Variants in DTWD2 observed in about 807,000 individuals in gnomAD.
The protein encoded by DTWD2 is DTW motif tRNA-uridine aminocarboxypropyltransferase 2, also known as tRNA-uridine aminocarboxypropyltransferase 2.
Under a neutral mutation model 31.8 loss-of-function variants are expected in DTWD2, and 39 were observed. The ratio of observed to expected loss-of-function variants is 1.22; its 90% CI spans 0.95 to 1.60. The LOEUF (loss-of-function observed/expected upper bound fraction) is 1.60, where lower values mean the gene tolerates loss of function less well. Among genes scored for constraint, DTWD2 ranks in the 40% most tolerant of loss-of-function variants. The probability of loss-of-function intolerance (pLI) is 0.00; values close to 1 mark genes in which losing one functional copy is unlikely to be tolerated. For missense variants in DTWD2, 515 were observed against 381.5 expected, an observed-to-expected ratio of 1.35 and a Z score of -2.92; for synonymous variants, 180 against 142.8, an observed-to-expected ratio of 1.26 and a Z score of -1.86.
chr5:118,877,524 G>A (rs1752648648), intron 4 of DTWD2, among the ~76,000 whole-genome samples: 1 of 151,800 alleles, frequency 6.6e-6, no homozygotes, highest in African/African-American at 2.4e-5. Context: ...ACCAGTCATT[G>A]AAGAAACATA....
At chr5:118,929,368 C>A (rs192489629) in intron 3 of DTWD2, among the ~76,000 whole-genome samples, 1 of 152,306 alleles carries the variant, frequency 6.6e-6, no homozygotes, top group East Asian at 1.9e-4. Context: ...ATCCCAGTGG[C>A]CATACTTCAA....
At chr5:118,876,968 A>C (rs1752635084) in intron 4 of DTWD2, among the ~76,000 whole-genome samples, 1 of 152,254 alleles carries the variant, frequency 6.6e-6, no homozygotes, top group African/African-American at 2.4e-5. Flanking sequence ...CATCAATGCA[A>C]AAATGCCTAA....
chr5:118,937,762 C>T lies in DTWD2; in HGVS notation c.404+1434G>A, dbSNP rs1444384330. Among the ~76,000 whole-genome samples, 3 of 151,838 alleles carry T rather than the reference C, an allele frequency of 2.0e-5. No individual in the cohort carries two copies. In the East Asian group the frequency reaches 5.8e-4, roughly 29 times the overall value. On this transcript the variant is annotated intron_variant, in intron 3 of 5. Transcript: ENST00000510708. Reference sequence around the variant, plus strand: ...CCCACAGGTCTCCCCTTCCCACCCACCCAGCGGTTGAATCCCCTGTTGTTT... The same window carrying T: ...CCCACAGGTCTCCCCTTCCCACCCATCCAGCGGTTGAATCCCCTGTTGTTT...
Position 118,878,941 on chromosome 5 carries a change from C to T in DTWD2, c.598-30723G>A, listed in dbSNP as rs142966518. Among the ~76,000 whole-genome samples, 645 of 152,182 alleles carry T rather than the reference C, an allele frequency of 4.2e-3. 8 individuals carry two copies. Among genetic ancestry groups the T allele is most frequent in the African/African-American group, 0.015 (603 of 41,492 alleles). The stretch of plus-strand genomic sequence containing the variant: ...TGCAAATCAAAAGCACAATGAGATG[C>T]CATCTCACACCAATCAAAATGGTTA... On this transcript the variant is annotated intron_variant, in intron 4 of 5. Transcript: ENST00000510708.
chr5:118,900,753 C>T lies in DTWD2; in HGVS notation c.597+27784G>A, dbSNP rs1026296366. Reference sequence around the variant, plus strand: ...CATCCTGGCTAACATGGTGAAACCCCGTCCTACTAAAAACACAAAAAATTA... The same window carrying T: ...CATCCTGGCTAACATGGTGAAACCCTGTCCTACTAAAAACACAAAAAATTA... On this transcript the variant is annotated intron_variant, in intron 4 of 5. Transcript: ENST00000510708. 1.4e-4 allele frequency among the ~76,000 whole-genome samples: 22 copies of T among 151,908 alleles called. No individual in the cohort carries two copies. In the East Asian group the frequency reaches 2.7e-3, roughly 19 times the overall value.
At chr5:118,861,951 A>C (rs559775873) in intron 4 of DTWD2, among the ~76,000 whole-genome samples, 3 of 152,260 alleles carry the variant, frequency 2.0e-5, no homozygotes, top group African/African-American at 7.2e-5. Flanking sequence ...AACAACAGTA[A>C]AGGGGCTAAG....
chr5:118,930,366 T>G (rs1023341275), intron 3 of DTWD2, among the ~76,000 whole-genome samples: 3 of 152,162 alleles, frequency 2.0e-5, no homozygotes, highest in Non-Finnish European at 4.4e-5. Context: ...GGAGACAAAT[T>G]ATCATTTTTC....
At chr5:118,873,983 C>A (rs1171469315) in intron 4 of DTWD2, among the ~76,000 whole-genome samples, 1 of 152,168 alleles carries the variant, frequency 6.6e-6, no homozygotes, top group East Asian at 1.9e-4. Flanking sequence ...GCAGCTTGGA[C>A]CCCCAAGTGC....
chr5:118,905,739 G>A (rs1012388385), intron 4 of DTWD2, among the ~76,000 whole-genome samples: 14 of 152,010 alleles, frequency 9.2e-5, no homozygotes, highest in Middle Eastern at 3.4e-3. Context: ...TATAAATATG[G>A]CTTTGCTAAC....
At chr5:118,896,303 A>G in intron 4 of DTWD2, among the ~76,000 whole-genome samples, 1 of 152,200 alleles carries the variant, frequency 6.6e-6, no homozygotes, top group Non-Finnish European at 1.5e-5. Context: ...TTTTCTACAA[A>G]GAGAATTCAT....
chr5:118,882,255 T>G (rs529598410), intron 4 of DTWD2, among the ~76,000 whole-genome samples: 2 of 152,232 alleles, frequency 1.3e-5, no homozygotes, highest in African/African-American at 4.8e-5. Context: ...AGGTCTCACA[T>G]GCAGGGCAAG....
intron 4 of DTWD2, among the ~76,000 whole-genome samples, chr5:118,888,464 T>C (rs1004848084): frequency 1.3e-5 from 2 of 152,254 alleles, no homozygotes; most frequent in Non-Finnish European, 2.9e-5. Context: ...TTAGTAGTTT[T>C]TCATTACATG....
chr5:118,840,924 T>G lies in DTWD2; in HGVS notation c.890A>C (p.Lys297Thr). 3.1e-6 allele frequency: 5 copies of G among 1,613,328 alleles called. No homozygotes were observed. The highest frequency in any genetic ancestry group is 4.2e-6 in the Non-Finnish European group (5 of 1,179,560). The change falls in exon 6 of 6, where the codon AAA becomes ACA. Residue 297 changes from lysine to threonine, a missense_variant. Coordinates refer to ENST00000510708, the MANE Select transcript of DTWD2 (RefSeq NM_173666.4). ...RKMELLMNSV[K>T]I ...ACCAAAAGAATAACTGTACTAAATT[T>G]TAACACTATTCATTAACAATTCCAT...
In DTWD2 at chr5:118,840,964, G is replaced by A. The variant is rs200315964; in HGVS notation, c.850C>T (p.Arg284Cys). 20 of 1,613,482 alleles carry A rather than the reference G, an allele frequency of 1.2e-5. No individual in the cohort carries two copies. The highest frequency in any genetic ancestry group is 2.2e-5 in the South Asian group (2 of 91,040). ...LYPKPMPKNK[R>C]KLRKMELLMN... is the part of the protein sequence containing the mutation. ...AACAATTCCATTTTCCTGAGTTTGC[G>A]TTTGTTCTTTGGCATTGGTTTAGGA... Residue 284 changes from arginine (R) to cysteine (C), a missense_variant, in exon 6 of 6, where the codon CGC (arginine) becomes TGC (cysteine). Physicochemically the swap from Arg to Cys is radical, Grantham distance 180. Transcript: ENST00000510708.
chr5:118,963,048 A>C lies in DTWD2; in HGVS notation c.219-18399T>G, dbSNP rs183880191. On this transcript the variant is annotated intron_variant, in intron 1 of 5. Transcript: ENST00000510708. ...AATAAACAAACGTGAGGGTCTAAAG[A>C]GGATCCAGAAGCAAAAGATCAAAGC... Among the ~76,000 whole-genome samples, 394 of 152,386 alleles carry C rather than the reference A, an allele frequency of 2.6e-3. 6 individuals carry two copies. The highest frequency in any genetic ancestry group is 4.0e-3 in the Non-Finnish European group (271 of 68,036).
chr5:118,888,120 A>G lies in DTWD2; in HGVS notation c.598-39902T>C, dbSNP rs1466496869. Reference sequence around the variant, plus strand: ...AAAGTAAAATTGACATAAACTGCATATATTTCAAGTATCCAATTTGATAAG... The same window carrying G: ...AAAGTAAAATTGACATAAACTGCATGTATTTCAAGTATCCAATTTGATAAG... On this transcript the variant is annotated intron_variant, in intron 4 of 5. Coordinates refer to ENST00000510708, the MANE Select transcript of DTWD2 (RefSeq NM_173666.4). 3.3e-5 allele frequency among the ~76,000 whole-genome samples: 5 copies of G among 152,250 alleles called. No homozygotes were observed. In the East Asian group the frequency reaches 7.7e-4, roughly 23 times the overall value.
rs1044079884 is a variant in DTWD2, at chr5:118,912,616, A to G, written c.597+15921T>C. Among the ~76,000 whole-genome samples, 4 of 151,888 alleles carry G rather than the reference A, an allele frequency of 2.6e-5. No individual in the cohort carries two copies. In the South Asian group the frequency reaches 6.2e-4, roughly 24 times the overall value. On this transcript the variant is annotated intron_variant, in intron 4 of 5. Transcript: ENST00000510708. Reference sequence around the variant, plus strand: ...ATTTTTTCATGGCTAATTCTGCCTCATCTTTCAAGACTCAGAGCAAATGTC... The same window carrying G: ...ATTTTTTCATGGCTAATTCTGCCTCGTCTTTCAAGACTCAGAGCAAATGTC...
intron 3 of DTWD2, among the ~76,000 whole-genome samples, chr5:118,932,582 A>C (rs927218502): frequency 6.6e-6 from 1 of 152,184 alleles, no homozygotes; most frequent in Non-Finnish European, 1.5e-5. Flanking sequence ...CCTTTAAAGA[A>C]GTGATTAAGT....
chr5:118,965,840 T>C (rs1332147137), intron 1 of DTWD2, among the ~76,000 whole-genome samples: 1 of 152,070 alleles, frequency 6.6e-6, no homozygotes, highest in African/African-American at 2.4e-5. Context: ...ACCAGAAACC[T>C]TTGTTCACTT....
Sources: allele counts gnomAD v4.1 joint callset (sites outside exome capture counted in the v4.1 genomes callset), GRCh38; gene constraint gnomAD v4.1.1; transcripts MANE v1.5; gene names NCBI Gene and HGNC (gene_info 2026-07-23, HGNC 2026-07-21).